The following DOCK4 variants were observed in gnomAD, a reference collection of about 807,000 sequenced individuals.
DOCK4 encodes dedicator of cytokinesis protein 4.
A neutral mutation model predicts 268.1 loss-of-function variants in DOCK4; 97 were observed. The ratio of observed to expected loss-of-function variants is 0.36; its 90% CI spans 0.31 to 0.43. The LOEUF (loss-of-function observed/expected upper bound fraction) is 0.43, where lower values mean the gene tolerates loss of function less well. Among genes scored for constraint, DOCK4 ranks in the 20% least tolerant of loss-of-function variants. The pLI, the probability that DOCK4 is intolerant of heterozygous loss-of-function variation, is 1.00. For missense variants in DOCK4, 2,145 were observed against 2,455.7 expected, an observed-to-expected ratio of 0.87 and a Z score of 2.67; for synonymous variants, 954 against 887.2, an observed-to-expected ratio of 1.08 and a Z score of -1.34.
At chr7:112,075,691 G>A (rs531117736) in intron 1 of DOCK4, among the ~76,000 whole-genome samples, 1 of 152,022 alleles carries the variant, frequency 6.6e-6, no homozygotes, top group South Asian at 2.1e-4. Flanking sequence ...ACTTCAACCT[G>A]GATGTAAACA....
chr7:111,995,512 T>C (rs760608733), intron 4 of DOCK4, among the ~76,000 whole-genome samples: 5 of 149,470 alleles, frequency 3.3e-5, no homozygotes, highest in African/African-American at 9.8e-5. Flanking sequence ...TCCCAAAGAA[T>C]GCTACTGATA....
At chr7:111,766,878 G>T (rs1050186810) in intron 38 of DOCK4, among the ~76,000 whole-genome samples, 154 bp downstream of exon 38, 2 of 152,094 alleles carry the variant, frequency 1.3e-5, no homozygotes, top group Admixed American at 6.6e-5. Flanking sequence ...AAATCAATTT[G>T]CTATTTCTCT....
intron 1 of DOCK4, among the ~76,000 whole-genome samples, chr7:112,043,331 T>A (rs927265034): frequency 2.0e-5 from 3 of 152,188 alleles, no homozygotes; most frequent in African/African-American, 7.2e-5. Flanking sequence ...ATCTAGAACC[T>A]GCCACAAATC....
chr7:112,033,114 A>G (rs1803431413), intron 1 of DOCK4, among the ~76,000 whole-genome samples: 1 of 152,202 alleles, frequency 6.6e-6, no homozygotes, highest in Non-Finnish European at 1.5e-5. Flanking sequence ...TATACTGCAC[A>G]TATTTCTGAA....
chr7:112,163,151 T>C (rs189013334), intron 1 of DOCK4, among the ~76,000 whole-genome samples: 2 of 152,334 alleles, frequency 1.3e-5, no homozygotes, highest in East Asian at 1.9e-4. Context: ...AATCACATCA[T>C]GTCCTTTGTC....
intron 12 of DOCK4, 147 bp downstream of exon 12, chr7:111,935,393 T>C (rs1278973314): frequency 1.4e-5 from 10 of 721,238 alleles, no homozygotes; most frequent in Non-Finnish European, 2.5e-5. Context: ...TAGGAAGACA[T>C]ACCAGAATGT....
Position 111,727,594 on chromosome 7 carries a change from G to A in DOCK4, c.*680C>T, listed in dbSNP as rs1329407934. 1 of 152,594 alleles carries A rather than the reference G, an allele frequency of 6.6e-6. No individual in the cohort carries two copies. The highest frequency in any genetic ancestry group is 1.5e-5 in the Non-Finnish European group (1 of 68,030). The allele number at this position is 152,594 out of a possible 1,614,324, so 9.5% of individuals were successfully genotyped here. On this transcript the variant is annotated 3_prime_UTR_variant, in exon 53 of 53. Transcript: ENST00000428084. ...GGAACTCTGAAGCAAATTGCACCTT[G>A]AAAAGAAATACAGTAGATACCACGG... is the stretch of plus-strand genomic sequence containing the variant.
At chr7:112,123,580 C>A (rs1409777374) in intron 1 of DOCK4, among the ~76,000 whole-genome samples, 2 of 152,160 alleles carry the variant, frequency 1.3e-5, no homozygotes, top group Non-Finnish European at 2.9e-5. Context: ...GCTATCAAGT[C>A]AAGAAACCTC....
chr7:111,839,339 A>G (rs1803485027), intron 25 of DOCK4, among the ~76,000 whole-genome samples: 1 of 152,152 alleles, frequency 6.6e-6, no homozygotes, highest in African/African-American at 2.4e-5. Context: ...TCCATCTCTT[A>G]GTTTTTCCAT....
intron 3 of DOCK4, among the ~76,000 whole-genome samples, chr7:111,999,025 G>A (rs999296638): frequency 1.3e-5 from 2 of 152,052 alleles, no homozygotes; most frequent in Non-Finnish European, 2.9e-5. Flanking sequence ...TAATCACCAT[G>A]CTGCCATTCT....
chr7:111,769,924 CT>C, intron 36 of DOCK4, among the ~76,000 whole-genome samples: 1 of 152,018 alleles, frequency 6.6e-6, no homozygotes, highest in East Asian at 1.9e-4. Context: ...CTGTTTTTGT[CT>C]TTTGTTTTTG....
In DOCK4 at chr7:111,877,040, G is replaced by A; in HGVS notation, c.1734C>T (p.Leu578=). 6.5e-7 allele frequency: 1 copy of A among 1,540,508 alleles called. No individual in the cohort carries two copies. The highest frequency in any genetic ancestry group is 8.7e-7 in the Non-Finnish European group (1 of 1,144,440). ...CITSFLCSTK[L]TQNGDMLDLL... ...AACATTATACATTACCATTTTGTGTGAGTTTTGTGGAACAGAGAAAAGATG... is the reference window on the plus strand; with the variant it reads ...AACATTATACATTACCATTTTGTGTAAGTTTTGTGGAACAGAGAAAAGATG... The change falls in exon 17 of 53, where the codon CTC becomes CTT. Residue 578 remains leucine (L), a synonymous_variant. Coordinates refer to ENST00000428084, the MANE Select transcript of DOCK4 (RefSeq NM_001363540.2).
intron 42 of DOCK4, among the ~76,000 whole-genome samples, chr7:111,751,733 C>T (rs1030192799): frequency 6.6e-6 from 1 of 152,090 alleles, no homozygotes; most frequent in African/African-American, 2.4e-5. Flanking sequence ...GTATGAGCCG[C>T]CATGCCTGGC....
intron 1 of DOCK4, among the ~76,000 whole-genome samples, chr7:112,154,253 T>A (rs1816392118): frequency 6.6e-6 from 1 of 152,142 alleles, no homozygotes; most frequent in Admixed American, 6.5e-5. Context: ...ACTATAGGCA[T>A]AAGCACCTGT....
At chr7:112,189,643 AAAAT>A (rs1471488233) in intron 1 of DOCK4, among the ~76,000 whole-genome samples, 1 of 152,202 alleles carries the variant, frequency 6.6e-6, no homozygotes, top group East Asian at 1.9e-4. Context: ...GGATACAATA[AAAAT>A]AATACAGTCC....
intron 12 of DOCK4, among the ~76,000 whole-genome samples, chr7:111,922,453 G>A (rs1793220687): frequency 6.6e-6 from 1 of 152,134 alleles, no homozygotes; most frequent in Non-Finnish European, 1.5e-5. Context: ...CTGGGAACTT[G>A]GATCTTTTAA....
intron 7 of DOCK4, among the ~76,000 whole-genome samples, chr7:111,983,844 ACGCGCGCGCGCGCGCG>A (rs57929541): frequency 3.4e-4 from 47 of 138,990 alleles, no homozygotes; most frequent in African/African-American, 9.5e-4. Context: ...GTACACACAC[ACGCGCGCGCGCGCGCG>A]CGCACACACA....
At chr7:112,193,602 A>AG (rs886967448) in intron 1 of DOCK4, among the ~76,000 whole-genome samples, 1 of 151,710 alleles carries the variant, frequency 6.6e-6, no homozygotes, top group Non-Finnish European at 1.5e-5. Flanking sequence ...ATGCCTTAAA[A>AG]AAAAAAAAAA....
At chr7:112,169,650 C>T (rs1352318048) in intron 1 of DOCK4, among the ~76,000 whole-genome samples, 1 of 152,172 alleles carries the variant, frequency 6.6e-6, no homozygotes, top group Non-Finnish European at 1.5e-5. Context: ...CATCCAAGGC[C>T]TTCTTGTTCC....
Sources: gnomAD v4.1 joint callset for allele counts (sites outside exome capture counted in the v4.1 genomes callset) on GRCh38, gnomAD v4.1.1 for gene constraint, MANE v1.5 for transcripts, NCBI Gene and HGNC (gene_info 2026-07-23, HGNC 2026-07-21) for gene names.